Variants in FBXW11 observed in about 807,000 individuals in gnomAD.
The protein encoded by FBXW11 is F-box and WD repeat domain containing 11, also known as F-box/WD repeat-containing protein 11.
A neutral mutation model predicts 77.6 loss-of-function variants in FBXW11; 19 were observed. The observed-to-expected ratio is 0.24, with a 90% CI of 0.17 to 0.36. The LOEUF (loss-of-function observed/expected upper bound fraction) is 0.36. FBXW11 is among the 10% of genes least tolerant of loss of function. FBXW11 has a pLI of 1.00. For synonymous variants in FBXW11, 235 were observed against 249.4 expected (o/e 0.94, Z 0.54); for missense variants, 334 against 704.2 (o/e 0.47, Z 5.95).
At chr5:171,915,799 C>G (rs1263787267) in intron 2 of FBXW11, among the ~76,000 whole-genome samples, 1 of 152,062 alleles carries the variant, frequency 6.6e-6, no homozygotes, top group Non-Finnish European at 1.5e-5. Context: ...CTACTTTTCA[C>G]TGTGGCATTA....
intron 2 of FBXW11, among the ~76,000 whole-genome samples, chr5:171,935,817 T>A (rs1326178007): frequency 6.6e-6 from 1 of 151,972 alleles, no homozygotes. Context: ...GCTCTAAGAA[T>A]AAACAAGTCT....
chr5:171,947,952 T>G (rs1763100622), intron 2 of FBXW11, among the ~76,000 whole-genome samples: 1 of 152,014 alleles, frequency 6.6e-6, no homozygotes, highest in African/African-American at 2.4e-5. Flanking sequence ...AATAAAAATG[T>G]AGGCCAGGCA....
At chr5:171,993,481 T>C (rs1765862349) in intron 1 of FBXW11, among the ~76,000 whole-genome samples, 1 of 152,102 alleles carries the variant, frequency 6.6e-6, no homozygotes. Context: ...GGTGTGGTGA[T>C]GCGTGCCTGT....
intron 3 of FBXW11, 75 bp downstream of exon 3, chr5:171,914,268 T>C: frequency 7.9e-7 from 1 of 1,268,930 alleles, no homozygotes; most frequent in Non-Finnish European, 1.1e-6. Context: ...TTGATTCCAC[T>C]GAGGACATTA....
rs1757166543 is a variant in FBXW11, at chr5:171,862,774, C to A, written c.*1353G>T. ...TGAGGCTTCACTCCACTTCAGAGCACCCACCCCTCAGCATGGGCCTCTGAA... is the reference window on the plus strand; with the variant it reads ...TGAGGCTTCACTCCACTTCAGAGCAACCACCCCTCAGCATGGGCCTCTGAA... On this transcript the variant is annotated 3_prime_UTR_variant, in exon 14 of 14. Transcript: ENST00000517395. The A allele has an allele frequency of 6.6e-6, 1 of 152,232 alleles. No homozygotes were observed. Among genetic ancestry groups the A allele is most frequent in the Admixed American group, 6.5e-5 (1 of 15,276 alleles). 9.4% of individuals were successfully genotyped at this position (152,232 alleles called of 1,614,324 possible).
At chr5:172,005,341 T>C (rs1004808259) in intron 1 of FBXW11, among the ~76,000 whole-genome samples, 5 of 152,256 alleles carry the variant, frequency 3.3e-5, no homozygotes, top group African/African-American at 1.2e-4. Context: ...GAAGAAATCC[T>C]GGACATGTCC....
chr5:171,883,091 C>A (rs905920017), intron 7 of FBXW11, among the ~76,000 whole-genome samples: 2 of 152,140 alleles, frequency 1.3e-5, no homozygotes, highest in Non-Finnish European at 2.9e-5. Flanking sequence ...CAATCTCATC[C>A]AAGTCACCGC....
Position 171,869,733 on chromosome 5 carries a change from A to G in FBXW11, c.1526T>C (p.Leu509Ser). ...CCGTCTCAAGAGATCACATACCACCAATGTGCGCAAACACAATGTGCTTGC... is the reference window on the plus strand; with the variant it reads ...CCGTCTCAAGAGATCACATACCACCGATGTGCGCAAACACAATGTGCTTGC... Reference protein sequence around the residue: ...APASTLCLRTLVEHSGRVFRL... With the variant: ...APASTLCLRTSVEHSGRVFRL... The change falls in exon 12 of 14, where the codon TTG (leucine) becomes TCG (serine). Residue 509 changes from leucine (L) to serine (S), a missense_variant. Physicochemically the swap from Leu to Ser is moderately radical, Grantham distance 145 (BLOSUM62 -2). This residue lies in a region of FBXW11 where 30 missense variants were observed against 50.7 expected (regional missense o/e 0.59). Coordinates refer to ENST00000517395, the MANE Select transcript of FBXW11 (RefSeq NM_001378974.1). The surrounding 1 kb of genome is among the most constrained non-coding windows in gnomAD (Gnocchi z 4.1). 1 of 1,608,214 alleles carries G rather than the reference A, an allele frequency of 6.2e-7. No individual in the cohort carries two copies. Among genetic ancestry groups the G allele is most frequent in the Non-Finnish European group, 8.5e-7 (1 of 1,176,942 alleles).
At chr5:172,003,655 C>A (rs1476021254) in intron 1 of FBXW11, among the ~76,000 whole-genome samples, 1 of 152,124 alleles carries the variant, frequency 6.6e-6, no homozygotes, top group Non-Finnish European at 1.5e-5. Flanking sequence ...TAGAGTGGGT[C>A]AGGAGGAGAA....
intron 2 of FBXW11, among the ~76,000 whole-genome samples, chr5:171,916,206 T>G (rs1444884440): frequency 6.7e-6 from 1 of 149,164 alleles, no homozygotes; most frequent in Non-Finnish European, 1.5e-5. Flanking sequence ...ACCTGCACAT[T>G]GTGCACATGT....
chr5:171,990,658 T>C (rs1329415655), intron 1 of FBXW11, among the ~76,000 whole-genome samples: 1 of 152,016 alleles, frequency 6.6e-6, no homozygotes. Context: ...AATTATCTCC[T>C]CAAAAAATAT....
chr5:171,934,954 T>G (rs1291100719), intron 2 of FBXW11, among the ~76,000 whole-genome samples: 5 of 152,084 alleles, frequency 3.3e-5, no homozygotes, highest in Non-Finnish European at 5.9e-5. Flanking sequence ...TGGTTTTTTT[T>G]GTTTGTTTTT....
chr5:171,970,240 A>G (rs1171537269), intron 1 of FBXW11, among the ~76,000 whole-genome samples: 2 of 152,190 alleles, frequency 1.3e-5, no homozygotes, highest in African/African-American at 4.8e-5. Context: ...TGACTGGATC[A>G]TGGAGGCAGT....
At chr5:171,864,642 A>G (rs1168115671) in intron 13 of FBXW11, among the ~76,000 whole-genome samples, 1 of 152,216 alleles carries the variant, frequency 6.6e-6, no homozygotes, top group Admixed American at 6.5e-5. Flanking sequence ...TTCCTTTTTA[A>G]TAAGTAAATC....
chr5:171,920,371 C>T (rs1345033685), intron 2 of FBXW11, among the ~76,000 whole-genome samples: 4 of 144,992 alleles, frequency 2.8e-5, no homozygotes, highest in East Asian at 2.0e-4. Flanking sequence ...CAGATATGTT[C>T]GGTGAAGGAG....
chr5:171,864,231 T>C (rs1581111796), intron 13 of FBXW11, 130 bp from the exon 14 acceptor site: 1 of 152,330 alleles, frequency 6.6e-6, no homozygotes, highest in African/African-American at 2.4e-5. Context: ...GCAGAAGCTG[T>C]AAGTTGTTCT....
At position 171,898,984 on chromosome 5, in the gene FBXW11, C is replaced by A; in HGVS notation, c.714+20G>T. On this transcript the variant is annotated intron_variant, in intron 6 of 13. Coordinates refer to ENST00000517395, the MANE Select transcript of FBXW11 (RefSeq NM_001378974.1). ...AACAAGAAACAAAGAGCCCATAAAACAGATAAATCATAAAGTTACCTCTAT... is the reference window on the plus strand; with the variant it reads ...AACAAGAAACAAAGAGCCCATAAAAAAGATAAATCATAAAGTTACCTCTAT... The A allele has an allele frequency of 1.4e-6, 2 of 1,476,954 alleles. No homozygotes were observed. Among genetic ancestry groups the A allele is most frequent in the East Asian group, 2.3e-5 (1 of 43,736 alleles). 91.5% of individuals were successfully genotyped at this position (1,476,954 alleles called of 1,614,324 possible).
At chr5:171,998,860 T>C (rs562355377) in intron 1 of FBXW11, among the ~76,000 whole-genome samples, 65 of 151,962 alleles carry the variant, frequency 4.3e-4, no homozygotes, top group Non-Finnish European at 7.8e-4. Flanking sequence ...GTAGTCTTTG[T>C]GTTTAGCAGC....
chr5:171,893,439 A>AAAAAAC (rs1759516032), intron 6 of FBXW11, among the ~76,000 whole-genome samples: 4 of 148,908 alleles, frequency 2.7e-5, no homozygotes, highest in Admixed American at 2.0e-4. Flanking sequence ...AAAAAAAAAA[A>AAAAAAC]AAAAAAAACT....
Sources: gnomAD v4.1 joint callset for allele counts (sites outside exome capture counted in the v4.1 genomes callset) on GRCh38, gnomAD v4.1.1 for gene constraint, gnomAD v4.1.1 regional missense constraint, Gnocchi (gnomAD v3.1) non-coding constraint, MANE v1.5 for transcripts, NCBI Gene and HGNC (gene_info 2026-07-23, HGNC 2026-07-21) for gene names.